The following INTS1 variants were observed in gnomAD, a reference collection of about 807,000 sequenced individuals.
INTS1 encodes the protein integrator complex subunit 1.
Under a neutral mutation model 241.6 loss-of-function variants are expected in INTS1, and 137 were observed. That is an observed-to-expected ratio of 0.57 (90% CI 0.49 to 0.65). The LOEUF (loss-of-function observed/expected upper bound fraction) is 0.65. Among genes scored for constraint, INTS1 ranks in the 30% least tolerant of loss-of-function variants. The probability of loss-of-function intolerance (pLI) is 0.00; values close to 1 mark genes in which losing one functional copy is unlikely to be tolerated. For missense variants in INTS1, 3,073 were observed against 3,032.2 expected, an observed-to-expected ratio of 1.01 and a Z score of -0.32; for synonymous variants, 1,692 against 1,337.8, an observed-to-expected ratio of 1.26 and a Z score of -5.78.
chr7:1,499,606 C>A lies in INTS1; in HGVS notation c.711G>T (p.Glu237Asp), dbSNP rs368577973. 5.0e-6 allele frequency: 8 copies of A among 1,612,802 alleles called. No homozygotes were observed. Among genetic ancestry groups the A allele is most frequent in the Non-Finnish European group, 6.8e-6 (8 of 1,179,406 alleles). The change falls in exon 6 of 48, where the codon GAG (glutamate) becomes GAT (aspartate). Residue 237 changes from glutamate (E) to aspartate (D), a missense_variant. Physicochemically the swap from Glu to Asp is conservative, Grantham distance 45. Transcript: ENST00000404767. ...VKVYIEDSLG[E>D]RIWVDSPHCK... Reference sequence around the variant, plus strand: ...AGTGAGGGCTGTCCACCCAGATCCGCTCCCCCAGGGAGTCCTCGATGTACA... The same window carrying A: ...AGTGAGGGCTGTCCACCCAGATCCGATCCCCCAGGGAGTCCTCGATGTACA...
At chr7:1,504,206 G>A (rs892190479) in intron 1 of INTS1, 117 bp downstream of exon 1, 5 of 530,830 alleles carry the variant, frequency 9.4e-6, no homozygotes, top group Non-Finnish European at 1.6e-5. Flanking sequence ...AGGCGACGCG[G>A]ACGCCGGGCT....
At chr7:1,480,286 G>A (rs1293912460) in intron 30 of INTS1, 31 bp downstream of exon 30, 4 of 1,581,868 alleles carry the variant, frequency 2.5e-6, no homozygotes, top group East Asian at 4.5e-5. Flanking sequence ...AGGGGCTGCA[G>A]GTGGAGACCC....
rs768112190 is a variant in INTS1 at position 1,487,881 on chromosome 7, C to A, written c.2395G>T (p.Ala799Ser). The A allele has an allele frequency of 3.7e-6, 6 of 1,613,494 alleles. No individual in the cohort carries two copies. The highest frequency in any genetic ancestry group is 5.1e-6 in the Non-Finnish European group (6 of 1,179,864). Residue 799 changes from alanine to serine, a missense_variant, in exon 19 of 48, where the codon GCC (alanine) becomes TCC (serine). By Grantham distance (99) the Ala-to-Ser change is moderately conservative. Coordinates refer to ENST00000404767, the MANE Select transcript of INTS1 (RefSeq NM_001080453.3). ...TEMLNRELQT[A>S]QREKQEILAF... ...AGGATCTCCTGCTTCTCCCGCTGGG[C>A]GGTCTGCAGCTCACGGTTCAGCATC...
At chr7:1,472,515 C>T (rs531755243) in intron 43 of INTS1, 129 bp from the exon 44 acceptor site, 26 of 629,512 alleles carry the variant, frequency 4.1e-5, no homozygotes, top group Non-Finnish European at 5.7e-5. Context: ...CACACAGCAG[C>T]GCTCCACAAA....
rs575349891 is a variant in INTS1 at position 1,497,826 on chromosome 7, C to T, written c.1426-512G>A. Among the ~76,000 whole-genome samples the T allele has an allele frequency of 1.3e-5, 2 of 152,370 alleles. No individual in the cohort carries two copies. Among genetic ancestry groups the T allele is most frequent in the East Asian group, 3.9e-4 (2 of 5,180 alleles). ...AATGCGCTGGTGGCGATGGGAGCAT[C>T]TCCCGAGCCCGCTTCAAAGGAGACA... On this transcript the variant is annotated intron_variant, in intron 10 of 47. Coordinates refer to ENST00000404767, the MANE Select transcript of INTS1 (RefSeq NM_001080453.3). The surrounding 1 kb of genome is among the most constrained non-coding windows in gnomAD (Gnocchi z 5.3).
intron 44 of INTS1, 120 bp from the exon 45 acceptor site, chr7:1,471,761 G>A: frequency 1.1e-6 from 1 of 921,608 alleles, no homozygotes; most frequent in Non-Finnish European, 1.7e-6. Context: ...GCACTGGAAA[G>A]CATGAGCCCA....
rs1281874311 is a variant in INTS1, at chr7:1,500,151, C to T, written c.546+19G>A. The T allele has an allele frequency of 6.3e-7, 1 of 1,580,928 alleles. No individual in the cohort carries two copies. Among genetic ancestry groups the T allele is most frequent in the East Asian group, 2.3e-5 (1 of 43,820 alleles). On this transcript the variant is annotated intron_variant, in intron 4 of 47. Transcript: ENST00000404767. ...GGGCCCCAGCGCTGCTCGCCTCCTG[C>T]CAGGGGCCCGGCTCAAACCTCAATG...
chr7:1,490,407 C>T (rs1288939679), intron 16 of INTS1, among the ~76,000 whole-genome samples: 2 of 151,520 alleles, frequency 1.3e-5, no homozygotes, highest in African/African-American at 4.9e-5. Context: ...GTGTCGGCTC[C>T]GGATAAACGG....
intron 17 of INTS1, 27 bp from the exon 18 acceptor site, chr7:1,489,431 G>C (rs768976071): frequency 3.1e-6 from 5 of 1,596,314 alleles, no homozygotes; most frequent in Non-Finnish European, 4.3e-6. Context: ...TGTGGGGCTG[G>C]CCAGGCTCCC....
chr7:1,479,445 C>G lies in INTS1; in HGVS notation c.4314G>C (p.Gln1438His). ...SHFLACPLLR[Q>H]LCQYQRCVPQ... Reference sequence around the variant, plus strand: ...GCCCAAGTACCTGGTACTGGCAGAGCTGGCGCAGCAGCGGGCAGGCCAGGA... The same window carrying G: ...GCCCAAGTACCTGGTACTGGCAGAGGTGGCGCAGCAGCGGGCAGGCCAGGA... The change falls in exon 31 of 48, where the codon CAG (glutamine) becomes CAC (histidine). Residue 1438 changes from glutamine (Q) to histidine (H), a missense_variant. Physicochemically the swap from Gln to His is conservative, Grantham distance 24 (BLOSUM62 0). Transcript: ENST00000404767. 6.3e-7 allele frequency: 1 copy of G among 1,578,416 alleles called. No individual in the cohort carries two copies. Among genetic ancestry groups the G allele is most frequent in the Non-Finnish European group, 8.6e-7 (1 of 1,163,136 alleles).
In INTS1 at chr7:1,487,445, GC is replaced by G. The variant is rs749250658; in HGVS notation, c.2520del (p.Arg843GlyfsTer11). 1.9e-6 allele frequency: 3 copies of G among 1,610,682 alleles called. No homozygotes were observed. Among genetic ancestry groups the G allele is most frequent in the Non-Finnish European group, 2.5e-6 (3 of 1,179,162 alleles). On this transcript the variant is annotated frameshift_variant, in exon 20 of 48. Coordinates refer to ENST00000404767, the MANE Select transcript of INTS1 (RefSeq NM_001080453.3). LOFTEE classifies it high-confidence loss of function. ...LSQLTSLDPQ[G>X]PPRRPPPHIL... The stretch of plus-strand genomic sequence containing the variant: ...ATGTGAGGGGGAGGCCTCCGGGGGG[GC>G]CCCCTGAGGGCCACAGGGGACACGG...
Position 1,498,698 on chromosome 7 carries a change from G to A in INTS1, c.1283+9C>T, listed in dbSNP as rs1314714928. On this transcript the variant is annotated intron_variant, in intron 9 of 47. Coordinates refer to ENST00000404767, the MANE Select transcript of INTS1 (RefSeq NM_001080453.3). ...CCGCACCCCCGCTCTGCCCCGGCTCGCCACGCACCTGATGCACAGCATGAA... is the reference window on the plus strand; with the variant it reads ...CCGCACCCCCGCTCTGCCCCGGCTCACCACGCACCTGATGCACAGCATGAA... 2.6e-5 allele frequency: 39 copies of A among 1,510,198 alleles called. No homozygotes were observed. The highest frequency in any genetic ancestry group is 1.3e-4 in the East Asian group (5 of 38,008). The allele number at this position is 1,510,198 out of a possible 1,614,324, so 93.5% of individuals were successfully genotyped here. A position where few individuals can be genotyped will look rare whatever the true frequency, so the allele number is the denominator to read the frequency against.
In INTS1 at chr7:1,471,137, G is replaced by T. The variant is rs766337276; in HGVS notation, c.6343C>A (p.Pro2115Thr). 1 of 1,569,052 alleles carries T rather than the reference G, an allele frequency of 6.4e-7. No individual in the cohort carries two copies. Residue 2115 changes from proline (P) to threonine (T), a missense_variant, in exon 46 of 48, where the codon CCC becomes ACC. By Grantham distance (38) the Pro-to-Thr change is conservative. Transcript: ENST00000404767. ...SLALRSMQNS[P>T]SIAAAFLPTF... ...AGAGGCCGGCGGTGGCCTCACCTGG[G>T]GCTGTTCTGCATGGAGCGCAGGGCC...
intron 31 of INTS1, among the ~76,000 whole-genome samples, 179 bp downstream of exon 31, chr7:1,479,251 C>CG (rs1012418292): frequency 3.3e-5 from 5 of 152,246 alleles, no homozygotes; most frequent in Admixed American, 6.5e-5. Flanking sequence ...CCTCCCGTCC[C>CG]GGGGGAATGT....
chr7:1,483,953 A>G (rs932343356), intron 25 of INTS1, 50 bp downstream of exon 25: 12 of 1,590,246 alleles, frequency 7.5e-6, no homozygotes, highest in African/African-American at 5.4e-5. Flanking sequence ...AGCCTCACCC[A>G]GCCGTAGACC....
intron 39 of INTS1, 101 bp downstream of exon 39, chr7:1,475,847 G>A: frequency 1.4e-6 from 2 of 1,402,430 alleles, no homozygotes; most frequent in East Asian, 2.5e-5. Flanking sequence ...GGCAAGAGGG[G>A]TAGCCGGCGA....
chr7:1,491,272 G>A (rs772922760), intron 16 of INTS1, among the ~76,000 whole-genome samples: 8 of 152,244 alleles, frequency 5.3e-5, no homozygotes, highest in Admixed American at 1.3e-4. Context: ...GGGTCCACAG[G>A]ACGGAAGTGA....
At position 1,500,251 on chromosome 7, in the gene INTS1, C is replaced by G. The variant is rs747330330; in HGVS notation, c.465G>C (p.Lys155Asn). 4 of 1,604,686 alleles carry G rather than the reference C, an allele frequency of 2.5e-6. No individual in the cohort carries two copies. The highest frequency in any genetic ancestry group is 3.4e-6 in the Non-Finnish European group (4 of 1,175,428). The stretch of plus-strand genomic sequence containing the variant: ...GGCTCAGGTAGAGGGTGCTGTCAGG[C>G]TTGGCGCGGGTGACCTTCAGCTGCT... ...AVKQLKVTRA[K>N]PDSTLYLSLM... The change falls in exon 4 of 48, where the codon AAG (lysine) becomes AAC (asparagine). Residue 155 changes from lysine to asparagine, a missense_variant. Physicochemically the swap from Lys to Asn is moderately conservative, Grantham distance 94. Transcript: ENST00000404767.
chr7:1,480,898 G>T lies in INTS1; in HGVS notation c.3886C>A (p.Arg1296Ser), dbSNP rs375777697. 6.4e-7 allele frequency: 1 copy of T among 1,564,844 alleles called. No homozygotes were observed. The highest frequency in any genetic ancestry group is 1.9e-5 in the Admixed American group (1 of 52,658). ...MAHLVEVQHERGASGGQTFHS... is the reference protein window; with the variant it reads ...MAHLVEVQHESGASGGQTFHS... The stretch of plus-strand genomic sequence containing the variant: ...AAAGTCTGGCCTCCGGAGGCGCCGC[G>T]CTCATGCTGGACCTCCACCAGGTGG... Residue 1296 changes from arginine (R) to serine (S), a missense_variant, in exon 29 of 48, where the codon CGC becomes AGC. Arg to Ser is a moderately radical substitution (Grantham distance 110, BLOSUM62 -1). Coordinates refer to ENST00000404767, the MANE Select transcript of INTS1 (RefSeq NM_001080453.3).
Sources: allele counts gnomAD v4.1 joint callset (sites outside exome capture counted in the v4.1 genomes callset), GRCh38; gene constraint gnomAD v4.1.1; non-coding constraint Gnocchi (gnomAD v3.1); transcripts MANE v1.5; gene names NCBI Gene and HGNC (gene_info 2026-07-23, HGNC 2026-07-21).